Variants in SCLT1 observed in about 807,000 individuals in gnomAD.
SCLT1 encodes the protein sodium channel-associated protein 1.
In SCLT1, 78 loss-of-function variants were observed where a neutral mutation model predicts 112.8. That is an observed-to-expected ratio of 0.69 (90% CI 0.58 to 0.83). The LOEUF (loss-of-function observed/expected upper bound fraction) is 0.83. Among genes scored for constraint, SCLT1 ranks in the 40% least tolerant of loss-of-function variants. SCLT1 has a pLI of 0.00. For missense variants in SCLT1, 747 were observed against 770.4 expected (o/e 0.97, Z 0.36); for synonymous variants, 257 against 254.7 (o/e 1.01, Z -0.09).
intron 5 of SCLT1, among the ~76,000 whole-genome samples, chr4:129,008,988 G>A (rs148399740): frequency 4.6e-4 from 70 of 152,286 alleles, no homozygotes; most frequent in African/African-American, 1.2e-3. Context: ...TGCAAAGGAC[G>A]TGATCTTGTT....
intron 9 of SCLT1, among the ~76,000 whole-genome samples, chr4:128,974,393 A>G (rs1579562401): frequency 6.6e-6 from 1 of 151,876 alleles, no homozygotes; most frequent in East Asian, 1.9e-4. Flanking sequence ...TAGCCAGGCT[A>G]GGCTATGTGA....
intron 9 of SCLT1, among the ~76,000 whole-genome samples, chr4:128,975,454 C>T (rs1418508728): frequency 2.6e-5 from 4 of 151,970 alleles, no homozygotes; most frequent in Non-Finnish European, 1.5e-5. Flanking sequence ...AATTAAAATG[C>T]TTTAATTATC....
intron 4 of SCLT1, chr4:128,874,914 T>C (rs916162395): frequency 9.8e-5 from 15 of 152,718 alleles, no homozygotes; most frequent in African/African-American, 3.6e-4. Context: ...AAATCTTATT[T>C]TGAAATGGAC....
chr4:128,977,069 AC>A (rs1417773037), intron 9 of SCLT1, among the ~76,000 whole-genome samples: 1 of 152,208 alleles, frequency 6.6e-6, no homozygotes, highest in African/African-American at 2.4e-5. Context: ...TCTCTCTGTA[AC>A]CAATATGTTA....
chr4:128,952,507 G>A (rs1738843757), intron 14 of SCLT1: 1 of 549,254 alleles, frequency 1.8e-6, no homozygotes, highest in African/African-American at 1.9e-5. Context: ...AGGAGCTACA[G>A]CTAGCAATAG....
intron 5 of SCLT1, among the ~76,000 whole-genome samples, chr4:129,030,646 C>G (rs1201070031): frequency 1.3e-5 from 2 of 152,068 alleles, no homozygotes; most frequent in Non-Finnish European, 2.9e-5. Flanking sequence ...ACTGATCCCA[C>G]AGAAATAAAA....
At chr4:129,025,903 G>C (rs1746018939) in intron 5 of SCLT1, among the ~76,000 whole-genome samples, 1 of 151,972 alleles carries the variant, frequency 6.6e-6, no homozygotes, top group Non-Finnish European at 1.5e-5. Flanking sequence ...TGCAATCCTA[G>C]TCTCTGATAA....
chr4:129,024,163 T>C (rs1347979785), intron 5 of SCLT1, among the ~76,000 whole-genome samples: 2 of 152,222 alleles, frequency 1.3e-5, no homozygotes, highest in Admixed American at 6.5e-5. Context: ...TAAATGTCCC[T>C]GTCTGACAGC....
intron 14 of SCLT1, among the ~76,000 whole-genome samples, chr4:128,950,974 C>T (rs1351008095): frequency 1.3e-5 from 2 of 152,042 alleles, no homozygotes; most frequent in Non-Finnish European, 2.9e-5. Flanking sequence ...AATGTAATGG[C>T]TCCGGCTTTT....
chr4:129,016,326 C>G (rs116033792), intron 5 of SCLT1, among the ~76,000 whole-genome samples: 1,211 of 111,318 alleles, frequency 0.011, 15 homozygotes, highest in African/African-American at 0.032. Flanking sequence ...TTTCCTCCCC[C>G]ATCCCCCCAT....
At chr4:128,954,428 C>T (rs1739049741) in intron 13 of SCLT1, among the ~76,000 whole-genome samples, 1 of 150,792 alleles carries the variant, frequency 6.6e-6, no homozygotes, top group Non-Finnish European at 1.5e-5. Context: ...ACACCATTCT[C>T]CTGCCTCAGC....
At position 128,987,192 on chromosome 4, in the gene SCLT1, T is replaced by G. The variant is rs185010026; in HGVS notation, c.686+4975A>C. On this transcript the variant is annotated intron_variant, in intron 9 of 20. Transcript: ENST00000281142. The stretch of plus-strand genomic sequence containing the variant: ...CAGGCTTAGGCCAAAACACTCAATC[T>G]CTTTTGGATTCGTGGAAAGCCCACT... Among the ~76,000 whole-genome samples, 8 of 152,202 alleles carry G rather than the reference T, an allele frequency of 5.3e-5. 1 individual carries two copies. Among genetic ancestry groups the G allele is most frequent in the Admixed American group, 5.2e-4 (8 of 15,292 alleles).
intron 5 of SCLT1, among the ~76,000 whole-genome samples, chr4:129,030,055 T>C (rs900048327): frequency 6.6e-6 from 1 of 152,186 alleles, no homozygotes; most frequent in African/African-American, 2.4e-5. Context: ...GGCTACATAA[T>C]TGGAAGTAGA....
At chr4:129,053,233 G>T (rs1018718586) in intron 2 of SCLT1, among the ~76,000 whole-genome samples, 1 of 152,152 alleles carries the variant, frequency 6.6e-6, no homozygotes, top group African/African-American at 2.4e-5. Context: ...TTCTGTAGAT[G>T]TCTATTAGGT....
intron 13 of SCLT1, among the ~76,000 whole-genome samples, chr4:128,956,779 T>A (rs1168884986): frequency 1.3e-5 from 2 of 152,068 alleles, no homozygotes; most frequent in East Asian, 1.9e-4. Context: ...AAAAGGAACA[T>A]CTTTATTTTA....
At chr4:129,015,434 C>A (rs2126112032) in intron 5 of SCLT1, among the ~76,000 whole-genome samples, 1 of 152,226 alleles carries the variant, frequency 6.6e-6, no homozygotes, top group African/African-American at 2.4e-5. Context: ...CAGGAGAGGG[C>A]AGCAGACCAA....
intron 4 of SCLT1, among the ~76,000 whole-genome samples, chr4:129,040,946 T>A (rs1317654920): frequency 1.3e-5 from 2 of 152,146 alleles, no homozygotes; most frequent in Admixed American, 1.3e-4. Flanking sequence ...GTGATCAACC[T>A]TTGGCGGTAA....
chr4:128,962,136 T>G (rs2126018469), intron 11 of SCLT1, among the ~76,000 whole-genome samples: 1 of 152,316 alleles, frequency 6.6e-6, no homozygotes, highest in African/African-American at 2.4e-5. Flanking sequence ...GTTTGTACAC[T>G]TGAGAATACC....
intron 18 of SCLT1, among the ~76,000 whole-genome samples, chr4:128,926,626 A>G (rs999316089): frequency 1.3e-5 from 2 of 152,130 alleles, no homozygotes; most frequent in Non-Finnish European, 2.9e-5. Flanking sequence ...TATTGTTCAT[A>G]TATATTTATT....
Sources: allele counts gnomAD v4.1 joint callset (sites outside exome capture counted in the v4.1 genomes callset), GRCh38; gene constraint gnomAD v4.1.1; transcripts MANE v1.5; gene names NCBI Gene and HGNC (gene_info 2026-07-23, HGNC 2026-07-21).